Variants in RPTOR observed in about 807,000 individuals in gnomAD.
RPTOR encodes regulatory associated protein of MTOR complex 1.
RPTOR carries 21 observed loss-of-function variants against 169.9 expected under a neutral mutation model. The observed-to-expected ratio is 0.12, with a 90% CI of 0.09 to 0.18. RPTOR has a LOEUF of 0.18. RPTOR is among the 10% of genes least tolerant of loss of function. The pLI is 1.00. For missense variants in RPTOR, 1,133 were observed against 1,855.9 expected (o/e 0.61, Z 7.16); for synonymous variants, 732 against 753.2 (o/e 0.97, Z 0.46).
chr17:80,699,908 G>A (rs548137455), intron 3 of RPTOR, among the ~76,000 whole-genome samples: 7 of 152,174 alleles, frequency 4.6e-5, no homozygotes, highest in Non-Finnish European at 8.8e-5. Context: ...GTGATGGGGA[G>A]CTAGAGGTGC....
chr17:80,776,940 C>T (rs930600066), intron 6 of RPTOR, among the ~76,000 whole-genome samples: 10 of 152,102 alleles, frequency 6.6e-5, no homozygotes, highest in African/African-American at 2.4e-4. Flanking sequence ...AGTTATTGAT[C>T]AGGAAGTGAA....
chr17:80,727,771 T>A (rs2066352774), intron 4 of RPTOR, among the ~76,000 whole-genome samples: 1 of 152,118 alleles, frequency 6.6e-6, no homozygotes, highest in South Asian at 2.1e-4. Flanking sequence ...CTTTTTTTTT[T>A]ACCAGTCAAA....
intron 5 of RPTOR, among the ~76,000 whole-genome samples, chr17:80,748,107 A>G (rs1159550384): frequency 1.5e-4 from 13 of 88,812 alleles, no homozygotes; most frequent in Middle Eastern, 4.9e-3. Context: ...TGGCGGGAGG[A>G]CCTGTTGGGT....
At position 80,740,056 on chromosome 17, in the gene RPTOR, C is replaced by G. The variant is rs149702032; in HGVS notation, c.654+9350C>G. On this transcript the variant is annotated intron_variant, in intron 5 of 33. Coordinates refer to ENST00000306801, the MANE Select transcript of RPTOR (RefSeq NM_020761.3). Reference sequence around the variant, plus strand: ...AGCAATACTAACAAAATAGAAAAATCAAGAGGGAGATGGAAAAACCTCTAC... The same window carrying G: ...AGCAATACTAACAAAATAGAAAAATGAAGAGGGAGATGGAAAAACCTCTAC... Among the ~76,000 whole-genome samples the G allele has an allele frequency of 2.4e-3, 359 of 152,032 alleles. 1 individual carries two copies. Among genetic ancestry groups the G allele is most frequent in the African/African-American group, 8.3e-3 (346 of 41,480 alleles).
At chr17:80,792,006 G>T (rs1394573590) in intron 7 of RPTOR, among the ~76,000 whole-genome samples, 1 of 152,126 alleles carries the variant, frequency 6.6e-6, no homozygotes, top group Admixed American at 6.5e-5. Flanking sequence ...GGCCTATGAA[G>T]AGTCAATGGC....
In RPTOR at chr17:80,823,428, G is replaced by A. The variant is rs116763382; in HGVS notation, c.1136+205G>A. ...TCTCCTTCAGAGGGCAGAAGCCTTGGAGGGCCTTTTAGGACTGCACGGGAG... is the reference window on the plus strand; with the variant it reads ...TCTCCTTCAGAGGGCAGAAGCCTTGAAGGGCCTTTTAGGACTGCACGGGAG... On this transcript the variant is annotated intron_variant, in intron 9 of 33. Coordinates refer to ENST00000306801, the MANE Select transcript of RPTOR (RefSeq NM_020761.3). This position sits in a 1 kb window ranked among gnomAD's most constrained non-coding sequence, Gnocchi z 4.5. 1.6e-6 allele frequency: 1 copy of A among 623,754 alleles called. No homozygotes were observed. The highest frequency in any genetic ancestry group is 2.6e-6 in the Non-Finnish European group (1 of 384,240). 38.6% of individuals were successfully genotyped at this position (623,754 alleles called of 1,614,324 possible). A position where few individuals can be genotyped will look rare whatever the true frequency, so the allele number is the denominator to read the frequency against.
intron 3 of RPTOR, among the ~76,000 whole-genome samples, chr17:80,690,623 G>C (rs893197464): frequency 6.6e-6 from 1 of 151,996 alleles, no homozygotes; most frequent in African/African-American, 2.4e-5. Context: ...ATTTCCTCTC[G>C]GTGGTGGACA....
chr17:80,844,324 C>A lies in RPTOR; in HGVS notation c.1213-2149C>A, dbSNP rs139718461. ...TTGAGGTGAATAGTCAGGAATTTTT[C>A]TCTTTCTGCATGGAGTAGTGACTCC... On this transcript the variant is annotated intron_variant, in intron 10 of 33. Transcript: ENST00000306801. This position sits in a 1 kb window ranked among gnomAD's most constrained non-coding sequence, Gnocchi z 4.7. 2.2e-3 allele frequency among the ~76,000 whole-genome samples: 336 copies of A among 152,214 alleles called. 1 individual carries two copies. Among genetic ancestry groups the A allele is most frequent in the African/African-American group, 8.0e-3 (331 of 41,518 alleles).
rs766868607 is a variant in RPTOR, at chr17:80,957,683, G to A, written c.3430G>A (p.Val1144Met). The A allele has an allele frequency of 7.4e-6, 12 of 1,614,024 alleles. No individual in the cohort carries two copies. Among genetic ancestry groups the A allele is most frequent in the South Asian group, 3.3e-5 (3 of 91,092 alleles). The change falls in exon 29 of 34, where the codon GTG (valine) becomes ATG (methionine). Residue 1144 changes from valine to methionine, a missense_variant. Around this residue, in one of 9 missense-constraint regions of RPTOR, gnomAD observed 410 missense variants for 623.7 expected, o/e 0.66. Coordinates refer to ENST00000306801, the MANE Select transcript of RPTOR (RefSeq NM_020761.3). This position sits in a 1 kb window ranked among gnomAD's most constrained non-coding sequence, Gnocchi z 4.6. ...ETGLLMSSGD[V>M]RIVRIWDTDR... The stretch of plus-strand genomic sequence containing the variant: ...CGGCCTCCTCATGAGCTCAGGAGAC[G>A]TGCGGATCGTCCGGATCTGGGACAC...
At chr17:80,621,994 T>A (rs2065358171) in intron 1 of RPTOR, among the ~76,000 whole-genome samples, 2 of 152,214 alleles carry the variant, frequency 1.3e-5, no homozygotes, top group Non-Finnish European at 2.9e-5. Flanking sequence ...ATGCTGTTTC[T>A]TCCACGGGCT....
At chr17:80,871,734 C>T (rs1472586262) in intron 13 of RPTOR, among the ~76,000 whole-genome samples, 1 of 152,170 alleles carries the variant, frequency 6.6e-6, no homozygotes, top group Non-Finnish European at 1.5e-5. Flanking sequence ...TATAGGCTTA[C>T]TGTATAAGGC....
At chr17:80,952,599 G>A (rs1195180586) in intron 28 of RPTOR, among the ~76,000 whole-genome samples, 1 of 152,190 alleles carries the variant, frequency 6.6e-6, no homozygotes, top group Admixed American at 6.5e-5. Context: ...CTGGTGCTTT[G>A]GAGGCTGTTT....
At position 80,940,542 on chromosome 17, in the gene RPTOR, A is replaced by G; in HGVS notation, c.2966A>G (p.Glu989Gly). ...GAGAGTCAGATCCGCAAGGAGCGGG[A>G]GTGGCGGTTCCTGCGAAACAGCCGT... ...DLESQIRKER[E>G]WRFLRNSRVR... is the part of the protein sequence containing the mutation. The change falls in exon 25 of 34, where the codon GAG (glutamate) becomes GGG (glycine). Residue 989 changes from glutamate to glycine, a missense_variant. Coordinates refer to ENST00000306801, the MANE Select transcript of RPTOR (RefSeq NM_020761.3). 6.2e-7 allele frequency: 1 copy of G among 1,613,644 alleles called. No individual in the cohort carries two copies. The highest frequency in any genetic ancestry group is 8.5e-7 in the Non-Finnish European group (1 of 1,179,880).
rs567263622 is a variant in RPTOR at position 80,649,014 on chromosome 17, C to G, written c.348+5204C>G. ...GTGGAACTATAAGTCTATTAAACCT[C>G]TTTCTTTTGTAAATTGCCCAGTCTT... On this transcript the variant is annotated intron_variant, in intron 3 of 33. Coordinates refer to ENST00000306801, the MANE Select transcript of RPTOR (RefSeq NM_020761.3). Among the ~76,000 whole-genome samples the G allele has an allele frequency of 2.0e-5, 3 of 152,232 alleles. No homozygotes were observed. In the South Asian group the frequency reaches 6.2e-4, roughly 31 times the overall value.
chr17:80,652,775 G>T (rs910010141), intron 3 of RPTOR, among the ~76,000 whole-genome samples: 1 of 152,200 alleles, frequency 6.6e-6, no homozygotes, highest in African/African-American at 2.4e-5. Flanking sequence ...GGGTCATATG[G>T]TGACCCTGTA....
chr17:80,896,452 A>AC, intron 20 of RPTOR, among the ~76,000 whole-genome samples: 1 of 65,000 alleles, frequency 1.5e-5, no homozygotes, highest in East Asian at 4.4e-4. Context: ...CCATGCCGAC[A>AC]CCCCACACGG....
At chr17:80,788,274 A>G (rs535106858) in intron 6 of RPTOR, among the ~76,000 whole-genome samples, 27 of 152,214 alleles carry the variant, frequency 1.8e-4, no homozygotes, top group African/African-American at 6.0e-4. Context: ...GGAGTTCGAG[A>G]CCAGCCTGAC....
intron 2 of RPTOR, among the ~76,000 whole-genome samples, chr17:80,630,081 C>T (rs769876718): frequency 1.1e-4 from 16 of 148,426 alleles, no homozygotes; most frequent in Non-Finnish European, 2.3e-4. Flanking sequence ...TATTGCCTGC[C>T]TTTCCTTCTA....
At chr17:80,822,088 C>T (rs374728470) in intron 7 of RPTOR, 113 bp from the exon 8 acceptor site, 1 of 904,612 alleles carries the variant, frequency 1.1e-6, no homozygotes, top group African/African-American at 1.6e-5. Flanking sequence ...TCAGAGCCTT[C>T]CTCCCTCGCT....
Sources: gnomAD v4.1 joint callset for allele counts (sites outside exome capture counted in the v4.1 genomes callset) on GRCh38, gnomAD v4.1.1 for gene constraint, gnomAD v4.1.1 regional missense constraint, Gnocchi (gnomAD v3.1) non-coding constraint, MANE v1.5 for transcripts, NCBI Gene and HGNC (gene_info 2026-07-23, HGNC 2026-07-21) for gene names.